The following PTPRT variants were observed in gnomAD, a reference collection of about 807,000 sequenced individuals.
The protein encoded by PTPRT is protein tyrosine phosphatase receptor type T.
A neutral mutation model predicts 176.8 loss-of-function variants in PTPRT; 56 were observed. The observed-to-expected ratio is 0.32, with a 90% CI of 0.26 to 0.40. The LOEUF (loss-of-function observed/expected upper bound fraction) is 0.40. PTPRT is among the 10% of genes least tolerant of loss of function. The pLI, the probability that PTPRT is intolerant of heterozygous loss-of-function variation, is 1.00. For synonymous variants in PTPRT, 783 were observed against 739.0 expected (o/e 1.06, Z -0.96); for missense variants, 1,540 against 1,908.2 (o/e 0.81, Z 3.60).
chr20:42,294,364 G>T (rs567754897), intron 12 of PTPRT, among the ~76,000 whole-genome samples: 1 of 152,080 alleles, frequency 6.6e-6, no homozygotes, highest in African/African-American at 2.4e-5. Context: ...GAGATAAAAA[G>T]AAGGGAGAAG....
At chr20:42,255,137 G>A (rs1428714660) in intron 13 of PTPRT, among the ~76,000 whole-genome samples, 3 of 152,152 alleles carry the variant, frequency 2.0e-5, no homozygotes, top group African/African-American at 7.2e-5. Flanking sequence ...CCCTTTTGAT[G>A]TCGAGATGCT....
intron 12 of PTPRT, among the ~76,000 whole-genome samples, chr20:42,315,232 T>C (rs6130102): frequency 0.23 from 15,564 of 66,384 alleles, 1,444 homozygotes; most frequent in African/African-American, 0.4. Context: ...TTGTTTTTGT[T>C]TTTGGAGAAA....
chr20:42,430,853 T>A (rs2059210491), intron 9 of PTPRT, among the ~76,000 whole-genome samples: 1 of 152,184 alleles, frequency 6.6e-6, no homozygotes, highest in Non-Finnish European at 1.5e-5. Context: ...AAATCTCTGG[T>A]GGGCTGCCAA....
chr20:42,734,492 C>T (rs1272104836), intron 6 of PTPRT, among the ~76,000 whole-genome samples: 1 of 152,164 alleles, frequency 6.6e-6, no homozygotes, highest in Non-Finnish European at 1.5e-5. Context: ...CTGCCAGATA[C>T]CAAGACTTAG....
intron 17 of PTPRT, among the ~76,000 whole-genome samples, chr20:42,159,287 C>G (rs928118436): frequency 2.0e-5 from 3 of 151,486 alleles, no homozygotes; most frequent in Non-Finnish European, 4.4e-5. Flanking sequence ...CACCTGGAGG[C>G]TGTTTTCCCA....
chr20:42,967,648 C>G (rs539729980), intron 1 of PTPRT, among the ~76,000 whole-genome samples: 6 of 152,154 alleles, frequency 3.9e-5, no homozygotes, highest in Non-Finnish European at 5.9e-5. Flanking sequence ...TACAGCCCTA[C>G]GAACCGAAAA....
In PTPRT at chr20:43,189,639, C is replaced by A. The variant is rs779582455; in HGVS notation, c.88+7G>T. ...GGAGCCCAGGGGAGCCGGGCGGGCG[C>A]ACTCACCTGCGGCGCTCTGAGCCCG... On this transcript the variant is annotated splice_region_variant and intron_variant, in intron 1 of 30. Transcript: ENST00000373187. This position sits in a 1 kb window ranked among gnomAD's most constrained non-coding sequence, Gnocchi z 5.0. 1 of 1,256,320 alleles carries A rather than the reference C, an allele frequency of 8.0e-7. No individual in the cohort carries two copies. The highest frequency in any genetic ancestry group is 4.2e-5 in the Admixed American group (1 of 23,936). 77.8% of individuals were successfully genotyped at this position (1,256,320 alleles called of 1,614,324 possible). A position where few individuals can be genotyped will look rare whatever the true frequency, so the allele number is the denominator to read the frequency against.
intron 16 of PTPRT, among the ~76,000 whole-genome samples, chr20:42,191,441 T>G (rs1353621099): frequency 6.6e-6 from 1 of 152,226 alleles, no homozygotes; most frequent in Non-Finnish European, 1.5e-5. Context: ...GAACTCCCAG[T>G]GACTCAGCCC....
At chr20:42,474,422 C>T (rs7266970) in intron 7 of PTPRT, among the ~76,000 whole-genome samples, 5,203 of 152,274 alleles carry the variant, frequency 0.034, 225 homozygotes, top group East Asian at 0.099. Flanking sequence ...CCGCACAGAG[C>T]TGCCCACGTG....
chr20:42,087,872 CA>C (rs56235565), intron 27 of PTPRT, among the ~76,000 whole-genome samples: 19,150 of 88,628 alleles, frequency 0.22, 805 homozygotes, highest in Middle Eastern at 0.36. Flanking sequence ...GACTCCATTT[CA>C]AAAAAAAAAA....
chr20:42,386,981 G>A (rs1319379012), intron 9 of PTPRT, among the ~76,000 whole-genome samples: 6 of 152,180 alleles, frequency 3.9e-5, no homozygotes, highest in Non-Finnish European at 8.8e-5. Flanking sequence ...ATAATTGTCT[G>A]CATTCTGAAA....
In PTPRT at chr20:42,397,110, G is replaced by A. The variant is rs368626207; in HGVS notation, c.1561-44825C>T. Reference sequence around the variant, plus strand: ...GCACTCAACTAGAACATAAGCTCCAGTGAGATGGTGTCAGTTTTCCCACTG... The same window carrying A: ...GCACTCAACTAGAACATAAGCTCCAATGAGATGGTGTCAGTTTTCCCACTG... On this transcript the variant is annotated intron_variant, in intron 9 of 30. Coordinates refer to ENST00000373187, the MANE Select transcript of PTPRT (RefSeq NM_007050.6). Among the ~76,000 whole-genome samples the A allele has an allele frequency of 3.9e-5, 6 of 152,276 alleles. No homozygotes were observed. The South Asian group carries it at 1.0e-3, about 26-fold the overall frequency.
chr20:42,098,760 T>A (rs1270582312), intron 26 of PTPRT, among the ~76,000 whole-genome samples: 2 of 152,240 alleles, frequency 1.3e-5, no homozygotes, highest in Non-Finnish European at 2.9e-5. Flanking sequence ...AGACATTTCA[T>A]TAGGAAAGTG....
At chr20:42,308,187 C>T (rs1568759678) in intron 12 of PTPRT, among the ~76,000 whole-genome samples, 2 of 152,008 alleles carry the variant, frequency 1.3e-5, no homozygotes, top group Non-Finnish European at 2.9e-5. Context: ...ACCAGCAGCT[C>T]ATACTGCTGC....
chr20:42,260,152 T>C (rs2056722709), intron 13 of PTPRT, among the ~76,000 whole-genome samples: 1 of 152,142 alleles, frequency 6.6e-6, no homozygotes. Context: ...CATGCCCAGC[T>C]CTGCTTAAAC....
At position 43,083,351 on chromosome 20, in the gene PTPRT, T is replaced by TATAC. The variant is rs2011510110; in HGVS notation, c.88+106294_88+106295insGTAT. The stretch of plus-strand genomic sequence containing the variant: ...ATATATATATATATATATATATATA[T>TATAC]ATATATATATATATATATACATTTT... On this transcript the variant is annotated intron_variant, in intron 1 of 30. Coordinates refer to ENST00000373187, the MANE Select transcript of PTPRT (RefSeq NM_007050.6). Among the ~76,000 whole-genome samples the TATAC allele has an allele frequency of 8.3e-4, 95 of 114,272 alleles. 3 individuals are homozygous for TATAC. The highest frequency in any genetic ancestry group is 2.1e-3 in the South Asian group (7 of 3,356). 75.0% of individuals were successfully genotyped at this position (114,272 alleles called of 152,430 possible). A position where few individuals can be genotyped will look rare whatever the true frequency, so the allele number is the denominator to read the frequency against.
rs141240754 is a variant in PTPRT at position 42,790,822 on chromosome 20, G to A, written c.486+373C>T. ...TTCCCCAGAGGGTGATCTTTTACGA[G>A]TTATTTCATCTCTCCGAACCTCAAT... On this transcript the variant is annotated intron_variant, in intron 3 of 30. Transcript: ENST00000373187. Among the ~76,000 whole-genome samples the A allele has an allele frequency of 9.1e-4, 139 of 152,220 alleles. 1 individual carries two copies. The highest frequency in any genetic ancestry group is 3.2e-3 in the African/African-American group (134 of 41,538).
intron 1 of PTPRT, among the ~76,000 whole-genome samples, chr20:43,131,224 C>T (rs1435412642): frequency 6.6e-6 from 1 of 152,238 alleles, no homozygotes; most frequent in Non-Finnish European, 1.5e-5. Context: ...GGTCCCCACA[C>T]CACTGTGCTG....
chr20:42,138,126 G>A (rs1004457506), intron 18 of PTPRT, among the ~76,000 whole-genome samples: 1 of 152,210 alleles, frequency 6.6e-6, no homozygotes, highest in South Asian at 2.1e-4. Context: ...GTCTGGGGTG[G>A]AGCCCAAGAA....
Sources: gnomAD v4.1 joint callset for allele counts (sites outside exome capture counted in the v4.1 genomes callset) on GRCh38, gnomAD v4.1.1 for gene constraint, Gnocchi (gnomAD v3.1) non-coding constraint, MANE v1.5 for transcripts, NCBI Gene and HGNC (gene_info 2026-07-23, HGNC 2026-07-21) for gene names.